Variants in VOPP1 observed in about 807,000 individuals in gnomAD.
The protein encoded by VOPP1 is WW domain binding protein VOPP1.
Under a neutral mutation model 23.5 loss-of-function variants are expected in VOPP1, and 8 were observed. The ratio of observed to expected loss-of-function variants is 0.34; its 90% CI spans 0.20 to 0.61. The LOEUF (loss-of-function observed/expected upper bound fraction) is 0.61, where lower values mean the gene tolerates loss of function less well. Among genes scored for constraint, VOPP1 ranks in the 20% least tolerant of loss-of-function variants. The probability of loss-of-function intolerance (pLI) is 0.78; values close to 1 mark genes in which losing one functional copy is unlikely to be tolerated. For synonymous variants in VOPP1, 83 were observed against 97.3 expected (o/e 0.85, Z 0.86); for missense variants, 174 against 238.1 (o/e 0.73, Z 1.77).
At chr7:55,482,172 CA>C (rs1562907165) in intron 4 of VOPP1, among the ~76,000 whole-genome samples, 1 of 151,740 alleles carries the variant, frequency 6.6e-6, no homozygotes, top group Admixed American at 6.6e-5. Flanking sequence ...GAATATTTCT[CA>C]AAGAACACGC....
At chr7:55,537,088 A>G (rs1796840456) in intron 1 of VOPP1, among the ~76,000 whole-genome samples, 1 of 152,162 alleles carries the variant, frequency 6.6e-6, no homozygotes, top group African/African-American at 2.4e-5. Context: ...GCAGATGGTG[A>G]GTCCAAGATC....
At chr7:55,500,384 C>CA (rs1269561334) in intron 2 of VOPP1, among the ~76,000 whole-genome samples, 1 of 152,218 alleles carries the variant, frequency 6.6e-6, no homozygotes, top group Non-Finnish European at 1.5e-5. Context: ...CTGCAGGCAC[C>CA]AACAGCAATC....
At chr7:55,554,794 C>T (rs1486335440) in intron 1 of VOPP1, among the ~76,000 whole-genome samples, 1 of 152,142 alleles carries the variant, frequency 6.6e-6, no homozygotes. Context: ...ATTCTTGGAC[C>T]AGAAATATAG....
chr7:55,488,866 G>A (rs780805326), intron 4 of VOPP1, among the ~76,000 whole-genome samples: 17 of 152,346 alleles, frequency 1.1e-4, no homozygotes, highest in Admixed American at 2.6e-4. Flanking sequence ...GGCACTGCCC[G>A]GACAGCCTCA....
chr7:55,535,417 C>T (rs1183099516), intron 1 of VOPP1, among the ~76,000 whole-genome samples: 1 of 152,326 alleles, frequency 6.6e-6, no homozygotes, highest in East Asian at 1.9e-4. Context: ...GGAAACCCTG[C>T]TGCCTCACTG....
intron 1 of VOPP1, among the ~76,000 whole-genome samples, chr7:55,524,238 C>T (rs907328471): frequency 2.0e-5 from 3 of 152,244 alleles, no homozygotes; most frequent in Non-Finnish European, 4.4e-5. Context: ...AACCTTTTAT[C>T]ATTTCTCACT....
At chr7:55,477,937 G>T (rs1256451570) in intron 4 of VOPP1, among the ~76,000 whole-genome samples, 1 of 152,200 alleles carries the variant, frequency 6.6e-6, no homozygotes, top group Non-Finnish European at 1.5e-5. Flanking sequence ...GGCCGCGGAA[G>T]CAGCATGCAG....
At chr7:55,569,229 A>T (rs1053344073) in intron 1 of VOPP1, among the ~76,000 whole-genome samples, 1 of 152,162 alleles carries the variant, frequency 6.6e-6, no homozygotes, top group African/African-American at 2.4e-5. Context: ...CTGAAGCCCT[A>T]CCTGGGCTTC....
intron 1 of VOPP1, among the ~76,000 whole-genome samples, chr7:55,549,256 T>C (rs1797498405): frequency 6.6e-6 from 1 of 152,132 alleles, no homozygotes; most frequent in Non-Finnish European, 1.5e-5. Context: ...TAGACAGTCA[T>C]GGGGCAAAAA....
intron 1 of VOPP1, among the ~76,000 whole-genome samples, chr7:55,553,570 GT>G (rs1459092363): frequency 1.3e-5 from 2 of 151,936 alleles, no homozygotes; most frequent in African/African-American, 4.8e-5. Flanking sequence ...CAAATTAGGG[GT>G]CAAAAGTAAA....
chr7:55,455,785 C>T (rs373719608), intron 4 of VOPP1, among the ~76,000 whole-genome samples: 8 of 152,254 alleles, frequency 5.3e-5, no homozygotes, highest in African/African-American at 1.7e-4. Context: ...TTCCTTACAC[C>T]TTATACAAAA....
intron 2 of VOPP1, among the ~76,000 whole-genome samples, chr7:55,504,212 C>T (rs1420363691): frequency 6.6e-6 from 1 of 152,190 alleles, no homozygotes; most frequent in Non-Finnish European, 1.5e-5. Flanking sequence ...AATCACACTG[C>T]CCCTGCCAGC....
chr7:55,533,751 T>G (rs1334820175), intron 1 of VOPP1, among the ~76,000 whole-genome samples: 1 of 152,220 alleles, frequency 6.6e-6, no homozygotes, highest in Non-Finnish European at 1.5e-5. Context: ...CCTAAATCCC[T>G]ACCTGGCTTT....
At position 55,438,581 on chromosome 7, in the gene VOPP1, C is replaced by T. The variant is rs570464117; in HGVS notation, n.418-2407G>A. Among the ~76,000 whole-genome samples the T allele has an allele frequency of 4.6e-5, 7 of 152,088 alleles. 1 individual carries two copies. The highest frequency in any genetic ancestry group is 1.9e-4 in the East Asian group (1 of 5,182). On this transcript the variant is annotated intron_variant and non_coding_transcript_variant, in intron 4 of 4. Transcript: ENST00000462326. ...GGCAGGTGAATAAGTGTGGACAGGG[C>T]GCCTCACAGAGCAGGACAGGCAAAG...
intron 3 of VOPP1, among the ~76,000 whole-genome samples, chr7:55,496,664 C>A (rs1299401967): frequency 6.6e-6 from 1 of 152,130 alleles, no homozygotes; most frequent in African/African-American, 2.4e-5. Flanking sequence ...ACGTGGAGTC[C>A]CCACTCCCTA....
intron 1 of VOPP1, among the ~76,000 whole-genome samples, chr7:55,533,016 A>T (rs1223852742): frequency 6.6e-6 from 1 of 152,254 alleles, no homozygotes; most frequent in African/African-American, 2.4e-5. Flanking sequence ...GCCCCAAAGC[A>T]GCATCTGTGT....
intron 1 of VOPP1, among the ~76,000 whole-genome samples, chr7:55,556,642 C>CG (rs995863905): frequency 1.3e-4 from 19 of 151,158 alleles, no homozygotes; most frequent in Admixed American, 2.6e-4. Context: ...TGGAACCCCC[C>CG]CCCAAAACAC....
chr7:55,454,204 A>G (rs1156878662), intron 4 of VOPP1, among the ~76,000 whole-genome samples: 1 of 152,150 alleles, frequency 6.6e-6, no homozygotes, highest in African/African-American at 2.4e-5. Context: ...TCTCTTCTAA[A>G]TGGATAAATT....
chr7:55,473,573 C>T (rs745960105), intron 4 of VOPP1, among the ~76,000 whole-genome samples: 2 of 152,158 alleles, frequency 1.3e-5, no homozygotes, highest in South Asian at 4.1e-4. Flanking sequence ...GGGTCAGGAG[C>T]GGAGCCGCAG....
Sources: allele counts gnomAD v4.1 joint callset (sites outside exome capture counted in the v4.1 genomes callset), GRCh38; gene constraint gnomAD v4.1.1; transcripts MANE v1.5; gene names NCBI Gene and HGNC (gene_info 2026-07-23, HGNC 2026-07-21).